The following CHRM3 variants were observed in gnomAD, a reference collection of about 807,000 sequenced individuals.
The protein encoded by CHRM3 is muscarinic acetylcholine receptor M3.
A neutral mutation model predicts 41.8 loss-of-function variants in CHRM3; 11 were observed. The observed-to-expected ratio is 0.26, with a 90% CI of 0.17 to 0.44. The LOEUF (loss-of-function observed/expected upper bound fraction) is 0.44, where lower values mean the gene tolerates loss of function less well. Among genes scored for constraint, CHRM3 ranks in the 20% least tolerant of loss-of-function variants. The pLI is 1.00. For synonymous variants in CHRM3, 297 were observed against 301.4 expected, an observed-to-expected ratio of 0.99 and a Z score of 0.15; for missense variants, 571 against 745.4, an observed-to-expected ratio of 0.77 and a Z score of 2.72.
chr1:239,709,510 T>C (rs1661546455), intron 5 of CHRM3, among the ~76,000 whole-genome samples: 1 of 152,198 alleles, frequency 6.6e-6, no homozygotes, highest in African/African-American at 2.4e-5. Flanking sequence ...AATCAGTGAC[T>C]TTATCTACTC....
At chr1:239,608,500 T>C (rs1235319788) in intron 3 of CHRM3, among the ~76,000 whole-genome samples, 1 of 152,230 alleles carries the variant, frequency 6.6e-6, no homozygotes, top group Non-Finnish European at 1.5e-5. Context: ...TCTTTTTTTT[T>C]GTATGTCCTA....
chr1:239,714,893 G>A (rs1662184586), intron 5 of CHRM3, among the ~76,000 whole-genome samples: 1 of 152,116 alleles, frequency 6.6e-6, no homozygotes, highest in Non-Finnish European at 1.5e-5. Flanking sequence ...ATGTGAGAGA[G>A]ACATGGCATT....
chr1:239,522,115 T>G (rs1300514119), intron 2 of CHRM3, among the ~76,000 whole-genome samples: 2 of 152,230 alleles, frequency 1.3e-5, no homozygotes, highest in African/African-American at 2.4e-5. Context: ...TGTTCTCATC[T>G]GTTGAATGTA....
intron 1 of CHRM3, among the ~76,000 whole-genome samples, chr1:239,397,772 G>T (rs1659622010): frequency 6.8e-6 from 1 of 146,500 alleles, no homozygotes; most frequent in Non-Finnish European, 1.5e-5. Context: ...TATATATATA[G>T]AAAATGTTGT....
At chr1:239,486,366 A>G (rs886547857) in intron 1 of CHRM3, among the ~76,000 whole-genome samples, 5 of 152,112 alleles carry the variant, frequency 3.3e-5, no homozygotes, top group Admixed American at 1.3e-4. Context: ...CTTAGCTCTC[A>G]ACTTGTACCG....
chr1:239,527,463 T>A (rs932965558), intron 2 of CHRM3, among the ~76,000 whole-genome samples: 2 of 152,238 alleles, frequency 1.3e-5, no homozygotes, highest in African/African-American at 4.8e-5. Flanking sequence ...CTACCTTTCC[T>A]CAAGCACTGC....
At chr1:239,724,513 T>C (rs1572102840) in intron 5 of CHRM3, among the ~76,000 whole-genome samples, 1 of 152,054 alleles carries the variant, frequency 6.6e-6, no homozygotes, top group East Asian at 1.9e-4. Context: ...CCCTTAGGTG[T>C]AAAATGCATA....
intron 5 of CHRM3, among the ~76,000 whole-genome samples, chr1:239,711,090 G>C (rs889148644): frequency 2.0e-5 from 3 of 152,078 alleles, no homozygotes; most frequent in Non-Finnish European, 4.4e-5. Flanking sequence ...CTGGGCCCTG[G>C]ACATTGTACA....
chr1:239,838,858 T>G (rs1220729500), intron 6 of CHRM3, among the ~76,000 whole-genome samples: 1 of 152,210 alleles, frequency 6.6e-6, no homozygotes, highest in East Asian at 1.9e-4. Flanking sequence ...TCTGGGAAAT[T>G]GATACTTCTG....
intron 5 of CHRM3, among the ~76,000 whole-genome samples, chr1:239,729,507 A>C (rs558964631): frequency 3.9e-5 from 6 of 152,080 alleles, no homozygotes; most frequent in African/African-American, 1.4e-4. Context: ...ACTACAAGGA[A>C]AACAGTTGAC....
At chr1:239,570,659 C>T (rs544997821) in intron 3 of CHRM3, among the ~76,000 whole-genome samples, 171 of 152,262 alleles carry the variant, frequency 1.1e-3, no homozygotes, top group Non-Finnish European at 1.8e-3. Context: ...TTTCAAATAA[C>T]TGACAGCCGA....
At chr1:239,793,570 A>G (rs1254872220) in intron 5 of CHRM3, among the ~76,000 whole-genome samples, 1 of 152,246 alleles carries the variant, frequency 6.6e-6, no homozygotes, top group African/African-American at 2.4e-5. Context: ...GAAGAATTAA[A>G]TATATCAGAT....
In CHRM3 at chr1:239,404,468, A is replaced by AAGAAAGAAAGAG. The variant is rs397954107; in HGVS notation, c.-521+17242_-521+17243insGAAAGAAAGAGA. Among the ~76,000 whole-genome samples the AAGAAAGAAAGAG allele has an allele frequency of 7.9e-3, 710 of 90,276 alleles. 64 individuals are homozygous for AAGAAAGAAAGAG. The highest frequency in any genetic ancestry group is 0.024 in the East Asian group (74 of 3,028). 59.2% of individuals were successfully genotyped at this position (90,276 alleles called of 152,430 possible). On this transcript the variant is annotated intron_variant, in intron 1 of 6. Transcript: ENST00000676153. The stretch of plus-strand genomic sequence containing the variant: ...AAAGAAAGAAAGAAAGAAAGAAAGA[A>AAGAAAGAAAGAG]AAAGAAAGAAAGAAAGGAACATTTA...
At chr1:239,467,866 T>C (rs1255447580) in intron 1 of CHRM3, among the ~76,000 whole-genome samples, 1 of 151,382 alleles carries the variant, frequency 6.6e-6, no homozygotes, top group East Asian at 1.9e-4. Context: ...ATCCTTAAAA[T>C]AGAATTCATC....
rs2148351133 is a variant in CHRM3 at position 239,722,620 on chromosome 1, G to C, written c.-147+44332G>C. 2.6e-5 allele frequency among the ~76,000 whole-genome samples: 4 copies of C among 151,916 alleles called. No homozygotes were observed. The East Asian group carries it at 5.9e-4, about 22-fold the overall frequency. On this transcript the variant is annotated intron_variant, in intron 5 of 6. Transcript: ENST00000676153. ...GAGCAATACAAATGCATTTTCTGCA[G>C]TGCAAATGTATTGGAATTGACAATC...
intron 5 of CHRM3, among the ~76,000 whole-genome samples, chr1:239,686,018 C>T (rs754472678): frequency 1.3e-5 from 2 of 152,168 alleles, no homozygotes; most frequent in African/African-American, 2.4e-5. Context: ...TGTGTTCTGT[C>T]GTTGACTCCC....
At chr1:239,589,593 G>A (rs1663852889) in intron 3 of CHRM3, among the ~76,000 whole-genome samples, 1 of 142,656 alleles carries the variant, frequency 7.0e-6, no homozygotes, top group African/African-American at 2.6e-5. Context: ...CTTGCAATTA[G>A]CACCTATATA....
intron 5 of CHRM3, among the ~76,000 whole-genome samples, chr1:239,773,281 C>T (rs983885655): frequency 2.6e-5 from 4 of 152,030 alleles, no homozygotes; most frequent in Non-Finnish European, 5.9e-5. Flanking sequence ...TTACATTGTT[C>T]ATCGAATAGC....
At chr1:239,723,381 A>T (rs776236712) in intron 5 of CHRM3, among the ~76,000 whole-genome samples, 11 of 151,968 alleles carry the variant, frequency 7.2e-5, no homozygotes, top group Non-Finnish European at 1.5e-4. Flanking sequence ...TTTCTTTGAA[A>T]GGTTAACAAT....
Sources: gnomAD v4.1 joint callset for allele counts (sites outside exome capture counted in the v4.1 genomes callset) on GRCh38, gnomAD v4.1.1 for gene constraint, MANE v1.5 for transcripts, NCBI Gene and HGNC (gene_info 2026-07-23, HGNC 2026-07-21) for gene names.